The following ARHGAP36 variants were observed in gnomAD, a reference collection of about 807,000 sequenced individuals.
ARHGAP36 encodes Rho GTPase activating protein 36, also known as rho GTPase-activating protein 36.
Under a neutral mutation model 32.9 loss-of-function variants are expected in ARHGAP36, and 7 were observed. That is an observed-to-expected ratio of 0.21 (90% CI 0.12 to 0.40). ARHGAP36 has a LOEUF of 0.40. Among genes scored for constraint, ARHGAP36 ranks in the 10% least tolerant of loss-of-function variants. The probability of loss-of-function intolerance (pLI) is 1.00; values close to 1 mark genes in which losing one functional copy is unlikely to be tolerated. For synonymous variants in ARHGAP36, 165 were observed against 168.3 expected (o/e 0.98, Z 0.15); for missense variants, 383 against 442.2 (o/e 0.87, Z 1.20).
intron 1 of ARHGAP36, among the ~76,000 whole-genome samples, chrX:131,072,213 G>A (rs1272329977): frequency 8.9e-6 from 1 of 111,733 alleles, no homozygotes; most frequent in African/African-American, 3.3e-5. Context: ...ACCATTGCCA[G>A]CCAGGTCGAT....
intron 1 of ARHGAP36, among the ~76,000 whole-genome samples, chrX:131,062,048 C>T (rs2079672130): frequency 8.9e-6 from 1 of 111,843 alleles, no homozygotes; most frequent in African/African-American, 3.3e-5. Context: ...TTTTTTCACA[C>T]CTACCTACTA....
intron 1 of ARHGAP36, among the ~76,000 whole-genome samples, chrX:131,065,628 T>C (rs752035209): frequency 2.8e-4 from 31 of 111,259 alleles, no homozygotes; most frequent in Non-Finnish European, 5.7e-4. Context: ...CTTCAGGTGG[T>C]CTATGCCCTG....
intron 1 of ARHGAP36, among the ~76,000 whole-genome samples, chrX:131,063,614 G>C (rs1458093796): frequency 1.8e-5 from 2 of 110,938 alleles, no homozygotes; most frequent in East Asian, 5.7e-4. Flanking sequence ...CCAGAGTCTG[G>C]GAACATCTAG....
intron 1 of ARHGAP36, among the ~76,000 whole-genome samples, chrX:131,074,928 T>A (rs1254356085): frequency 1.8e-5 from 2 of 112,637 alleles, no homozygotes; most frequent in Non-Finnish European, 3.7e-5. Flanking sequence ...CACAGTTAGC[T>A]GCCTTGCATC....
At chrX:131,076,606 G>T (rs5977411) in intron 1 of ARHGAP36, among the ~76,000 whole-genome samples, 123 of 112,656 alleles carry the variant, frequency 1.1e-3, no homozygotes, top group Middle Eastern at 4.6e-3. Flanking sequence ...CTTTGATTAT[G>T]TGTATTCTTT....
Position 131,085,060 on chromosome X carries a change from A to T in ARHGAP36, c.951A>T (p.Thr317=). 1 of 1,208,889 alleles carries T rather than the reference A, an allele frequency of 8.3e-7. No homozygotes were observed. The highest frequency in any genetic ancestry group is 1.7e-5 in the African/African-American group (1 of 57,697). ...PDDLYMSFLL[T]ATLKPQDQLS... is the part of the protein sequence containing the mutation. ...ATCTGTACATGTCATTCCTCCTGAC[A>T]GCAAGTGAGTCTTCTGACCTCCCTA... The change falls in exon 7 of 12, where the codon ACA becomes ACT. Residue 317 remains threonine, a synonymous_variant. Transcript: ENST00000276211.
chrX:131,067,257 A>G (rs2079703584), intron 1 of ARHGAP36, among the ~76,000 whole-genome samples: 1 of 112,363 alleles, frequency 8.9e-6, no homozygotes, highest in African/African-American at 3.2e-5. Context: ...CTGAGCAAAT[A>G]GTTGGGCTCA....
In ARHGAP36 at chrX:131,084,632, G is replaced by A; in HGVS notation, c.755G>A (p.Ser252Asn). 8.3e-7 allele frequency: 1 copy of A among 1,211,850 alleles called. No individual in the cohort carries two copies. Among genetic ancestry groups the A allele is most frequent in the Non-Finnish European group, 1.1e-6 (1 of 895,489 alleles). ...CCCTGGTCTTTTCTTTCAGGCTTAA[G>A]CGCAGTGGGGATTTTTACCCTTGAA... ...CCQFIEKHGLSAVGIFTLEYS... is the reference protein window; with the variant it reads ...CCQFIEKHGLNAVGIFTLEYS... The change falls in exon 6 of 12, where the codon AGC becomes AAC. Residue 252 changes from serine to asparagine, a missense_variant. Physicochemically the swap from Ser to Asn is conservative, Grantham distance 46. This residue lies in a region of ARHGAP36 where 227 missense variants were observed against 311.3 expected (regional missense o/e 0.73). Coordinates refer to ENST00000276211, the MANE Select transcript of ARHGAP36 (RefSeq NM_144967.4).
rs1424631257 is a variant in ARHGAP36 at position 131,078,309 on chromosome X, A to T, written c.-142-3215A>T. 3.6e-5 allele frequency among the ~76,000 whole-genome samples: 4 copies of T among 112,247 alleles called. No homozygotes were observed. The East Asian group carries it at 1.1e-3, about 31-fold the overall frequency. The stretch of plus-strand genomic sequence containing the variant: ...CTGACTTTCTTAAGATCACACAGCT[A>T]AGAAATCTAGAGGCTGGCTTTGAAC... On this transcript the variant is annotated intron_variant, in intron 1 of 11. Coordinates refer to ENST00000276211, the MANE Select transcript of ARHGAP36 (RefSeq NM_144967.4).
Position 131,084,316 on chromosome X carries a change from T to G in ARHGAP36, c.657T>G (p.Leu219=). 1 of 1,211,829 alleles carries G rather than the reference T, an allele frequency of 8.3e-7. No individual in the cohort carries two copies. The part of the protein sequence containing the change: ...SKISFPIGQR[L]LGSKRKMSLN... ...TTTCCTTTCCAATTGGCCAACGACT[T>G]CTGGGATCCAAAAGGAAGATGAGTC... is the stretch of plus-strand genomic sequence containing the variant. Residue 219 remains leucine, a synonymous_variant, in exon 5 of 12, where the codon CTT becomes CTG. Transcript: ENST00000276211.
chrX:131,082,812 C>G lies in ARHGAP36; in HGVS notation c.254-353C>G, dbSNP rs187941703. On this transcript the variant is annotated intron_variant, in intron 2 of 11. Coordinates refer to ENST00000276211, the MANE Select transcript of ARHGAP36 (RefSeq NM_144967.4). ...CCCGCGGTGGCGCTGCAGGAGAGCC[C>G]CTCCCTCCCCTCTCCTGTTGCGTGA... Among the ~76,000 whole-genome samples the G allele has an allele frequency of 9.9e-4, 112 of 113,031 alleles. 1 individual carries two copies. In the East Asian group the frequency reaches 0.029, roughly 30 times the overall value.
chrX:131,086,237 C>T, intron 9 of ARHGAP36, 92 bp from the exon 10 acceptor site: 1 of 1,119,702 alleles, frequency 8.9e-7, no homozygotes, highest in Non-Finnish European at 1.2e-6. Flanking sequence ...TTAGCTGGCC[C>T]TGGTACCTTT....
intron 1 of ARHGAP36, among the ~76,000 whole-genome samples, chrX:131,063,310 G>C (rs770994658): frequency 1.8e-5 from 2 of 111,424 alleles, no homozygotes; most frequent in East Asian, 5.6e-4. Context: ...GCAGCTGGTA[G>C]GTCCCTGCTT....
intron 1 of ARHGAP36, among the ~76,000 whole-genome samples, chrX:131,063,669 C>T (rs2148635463): frequency 9.0e-6 from 1 of 110,570 alleles, no homozygotes; most frequent in East Asian, 2.9e-4. Flanking sequence ...CTCAATACCT[C>T]TCTACTCTGT....
chrX:131,075,621 A>ATGTGTGTGTG (rs764591310), intron 1 of ARHGAP36, among the ~76,000 whole-genome samples: 3 of 28,379 alleles, frequency 1.1e-4, no homozygotes, highest in African/African-American at 3.2e-4. Flanking sequence ...GTGTGTATAT[A>ATGTGTGTGTG]TATGTGTGTG....
chrX:131,059,850 C>T (rs12859458), intron 1 of ARHGAP36, among the ~76,000 whole-genome samples: 3,796 of 111,641 alleles, frequency 0.034, 84 homozygotes, highest in Admixed American at 0.096. Context: ...GTTGCTTGGA[C>T]TAGAAGGTTG....
intron 1 of ARHGAP36, among the ~76,000 whole-genome samples, chrX:131,065,190 A>G (rs958860549): frequency 9.0e-6 from 1 of 111,317 alleles, no homozygotes; most frequent in East Asian, 2.8e-4. Context: ...AATTATTCTA[A>G]TAGCCCCTGG....
Position 131,075,030 on chromosome X carries a change from T to C in ARHGAP36, c.-142-6494T>C, listed in dbSNP as rs146007852. The stretch of plus-strand genomic sequence containing the variant: ...GACAGTGGGTGAGTACCCATTTTCA[T>C]CTTCAAAGGATGATACAGAGGCATT... On this transcript the variant is annotated intron_variant, in intron 1 of 11. Coordinates refer to ENST00000276211, the MANE Select transcript of ARHGAP36 (RefSeq NM_144967.4). Among the ~76,000 whole-genome samples, 453 of 112,126 alleles carry C rather than the reference T, an allele frequency of 4.0e-3. 3 individuals are homozygous for C. Among genetic ancestry groups the C allele is most frequent in the African/African-American group, 0.014 (438 of 30,891 alleles).
intron 8 of ARHGAP36, 75 bp downstream of exon 8, chrX:131,085,811 A>T (rs2079832546): frequency 1.0e-5 from 12 of 1,180,239 alleles, no homozygotes; most frequent in East Asian, 3.0e-5. Flanking sequence ...AAGAGGGTGG[A>T]TGGAGAGGAG....
Sources: allele counts gnomAD v4.1 joint callset (sites outside exome capture counted in the v4.1 genomes callset), GRCh38; gene constraint gnomAD v4.1.1; regional missense constraint gnomAD v4.1.1; transcripts MANE v1.5; gene names NCBI Gene and HGNC (gene_info 2026-07-23, HGNC 2026-07-21).